TNNI3K: variants seen among roughly 807,000 people sequenced by gnomAD.
TNNI3K encodes TNNI3 interacting kinase, also known as serine/threonine-protein kinase TNNI3K.
Under a neutral mutation model 114.5 loss-of-function variants are expected in TNNI3K, and 140 were observed. That is an observed-to-expected ratio of 1.22 (90% CI 1.07 to 1.41). TNNI3K has a LOEUF of 1.41. TNNI3K is among the 40% of genes most tolerant of loss of function. The pLI, the probability that TNNI3K is intolerant of heterozygous loss-of-function variation, is 0.00. For missense variants in TNNI3K, 1,125 were observed against 1,007.6 expected, an observed-to-expected ratio of 1.12 and a Z score of -1.58; for synonymous variants, 347 against 347.5, an observed-to-expected ratio of 1.00 and a Z score of 0.02.
At chr1:74,449,525 A>C (rs577456787) in intron 20 of TNNI3K, among the ~76,000 whole-genome samples, 2 of 152,052 alleles carry the variant, frequency 1.3e-5, no homozygotes, top group African/African-American at 2.4e-5. Flanking sequence ...ACGTGCAGAG[A>C]CACACATAGG....
chr1:74,328,427 A>G (rs147455388), intron 5 of TNNI3K, among the ~76,000 whole-genome samples: 13 of 152,224 alleles, frequency 8.5e-5, no homozygotes, highest in African/African-American at 1.9e-4. Context: ...ACAATATACC[A>G]TATTCCCGTT....
At chr1:74,281,493 C>A (rs1159736926) in intron 5 of TNNI3K, among the ~76,000 whole-genome samples, 3 of 151,864 alleles carry the variant, frequency 2.0e-5, no homozygotes, top group Non-Finnish European at 4.4e-5. Flanking sequence ...AATGTGGTAT[C>A]CTAGGTAGGG....
chr1:74,540,300 C>T lies in TNNI3K; in HGVS notation c.2418C>T (p.Pro806=), dbSNP rs138969829. Residue 806 remains proline (P), a synonymous_variant, in exon 24 of 25, where the codon CCC becomes CCT. Coordinates refer to ENST00000326637, the MANE Select transcript of TNNI3K (RefSeq NM_015978.3). ...TGAAAAGAAGTCTTCAATACACACCCATTGACAAATATGGTAAGTAGGCAG... is the reference window on the plus strand; with the variant it reads ...TGAAAAGAAGTCTTCAATACACACCTATTGACAAATATGGTAAGTAGGCAG... ...EEMKRSLQYT[P]IDKYGYVSDP... The T allele has an allele frequency of 1.2e-6, 2 of 1,611,444 alleles. No individual in the cohort carries two copies. The highest frequency in any genetic ancestry group is 1.7e-6 in the Non-Finnish European group (2 of 1,178,550).
intron 5 of TNNI3K, among the ~76,000 whole-genome samples, chr1:74,276,555 T>C (rs780463934): frequency 1.3e-5 from 2 of 152,116 alleles, no homozygotes; most frequent in Non-Finnish European, 2.9e-5. Flanking sequence ...TTCCTTACTA[T>C]GCTAAAAATT....
chr1:74,334,691 T>A (rs2100421659), intron 6 of TNNI3K, among the ~76,000 whole-genome samples: 1 of 152,274 alleles, frequency 6.6e-6, no homozygotes, highest in South Asian at 2.1e-4. Flanking sequence ...AGAGTCTCAG[T>A]TAAATGGAGA....
chr1:74,334,774 C>T (rs1050229408), intron 6 of TNNI3K, among the ~76,000 whole-genome samples: 1 of 152,094 alleles, frequency 6.6e-6, no homozygotes, highest in Non-Finnish European at 1.5e-5. Flanking sequence ...ACTGAAGCTG[C>T]CATGAAAATC....
chr1:74,473,884 G>C (rs919303858), intron 21 of TNNI3K, among the ~76,000 whole-genome samples: 1 of 152,092 alleles, frequency 6.6e-6, no homozygotes, highest in African/African-American at 2.4e-5. Flanking sequence ...TAGATCTAAA[G>C]TCCTCTCTAC....
At chr1:74,436,012 G>A (rs1002319030) in intron 17 of TNNI3K, 68 bp from the exon 18 acceptor site, 3 of 1,552,440 alleles carry the variant, frequency 1.9e-6, no homozygotes, top group Non-Finnish European at 2.6e-6. Flanking sequence ...CTTCTTTGAG[G>A]GGCCAATTAG....
chr1:74,467,279 A>G (rs192081252), intron 21 of TNNI3K, among the ~76,000 whole-genome samples: 2 of 152,314 alleles, frequency 1.3e-5, no homozygotes, highest in South Asian at 4.1e-4. Flanking sequence ...CTTTAGATGG[A>G]GGACACTAAC....
At chr1:74,339,729 T>C (rs1293672015) in intron 7 of TNNI3K, among the ~76,000 whole-genome samples, 1 of 152,044 alleles carries the variant, frequency 6.6e-6, no homozygotes, top group Non-Finnish European at 1.5e-5. Context: ...TTTGTATCTC[T>C]TAGGGTAATG....
At chr1:74,375,475 G>T in intron 17 of TNNI3K, 1 of 433,142 alleles carries the variant, frequency 2.3e-6, no homozygotes, top group Non-Finnish European at 4.7e-6. Flanking sequence ...CACATAGCTG[G>T]AGACTGAAAG....
intron 5 of TNNI3K, among the ~76,000 whole-genome samples, chr1:74,312,289 C>T (rs1047111015): frequency 6.6e-6 from 1 of 152,192 alleles, no homozygotes; most frequent in African/African-American, 2.4e-5. Flanking sequence ...AGGGCAGTGC[C>T]TGGAGGTCCT....
At chr1:74,271,807 T>A in intron 5 of TNNI3K, 99 bp downstream of exon 5, 2 of 1,069,086 alleles carry the variant, frequency 1.9e-6, no homozygotes, top group Non-Finnish European at 2.7e-6. Flanking sequence ...ACTTTACAAG[T>A]TGGTTTATTT....
At chr1:74,442,833 C>A (rs1170968043) in intron 20 of TNNI3K, among the ~76,000 whole-genome samples, 1 of 151,592 alleles carries the variant, frequency 6.6e-6, no homozygotes, top group African/African-American at 2.4e-5. Flanking sequence ...ACGGCACAAT[C>A]AAATTAGAAT....
chr1:74,420,249 A>G (rs767753893), intron 17 of TNNI3K, among the ~76,000 whole-genome samples: 46 of 152,280 alleles, frequency 3.0e-4, no homozygotes, highest in African/African-American at 8.9e-4. Context: ...ATCATTTGCT[A>G]TGTTTAAATT....
intron 17 of TNNI3K, among the ~76,000 whole-genome samples, chr1:74,397,284 GGA>G (rs1436930266): frequency 6.6e-6 from 1 of 152,020 alleles, no homozygotes; most frequent in East Asian, 1.9e-4. Context: ...AGGTGAGACT[GGA>G]GAGAGAGAGA....
intron 4 of TNNI3K, among the ~76,000 whole-genome samples, chr1:74,252,891 C>T (rs181701903): frequency 2.2e-4 from 34 of 152,310 alleles, no homozygotes; most frequent in Non-Finnish European, 2.9e-4. Context: ...GAGGGGCACC[C>T]GAGTGGGTTG....
intron 23 of TNNI3K, among the ~76,000 whole-genome samples, chr1:74,522,367 T>A (rs1646445249): frequency 6.6e-6 from 1 of 152,158 alleles, no homozygotes; most frequent in Non-Finnish European, 1.5e-5. Flanking sequence ...TATGGGAACC[T>A]GCAGCAGCTC....
At chr1:74,328,053 T>A (rs1400327048) in intron 5 of TNNI3K, among the ~76,000 whole-genome samples, 1 of 152,116 alleles carries the variant, frequency 6.6e-6, no homozygotes, top group African/African-American at 2.4e-5. Flanking sequence ...AAATCAATTA[T>A]CAATAAATGT....
Sources: gnomAD v4.1 joint callset for allele counts (sites outside exome capture counted in the v4.1 genomes callset) on GRCh38, gnomAD v4.1.1 for gene constraint, MANE v1.5 for transcripts, NCBI Gene and HGNC (gene_info 2026-07-23, HGNC 2026-07-21) for gene names.